The following NOX4 variants were observed in gnomAD, a reference collection of about 807,000 sequenced individuals.
The protein encoded by NOX4 is NADPH oxidase 4.
A neutral mutation model predicts 87.6 loss-of-function variants in NOX4; 69 were observed. The observed-to-expected ratio is 0.79, with a 90% CI of 0.65 to 0.96. The LOEUF is 0.96. NOX4 is among the 40% of genes least tolerant of loss of function. The pLI, the probability that NOX4 is intolerant of heterozygous loss-of-function variation, is 0.00. For synonymous variants in NOX4, 275 were observed against 238.2 expected (o/e 1.15, Z -1.42); for missense variants, 680 against 681.5 (o/e 1.00, Z 0.02).
chr11:89,326,591 G>A lies in NOX4; in HGVS notation c.*165C>T. ...TTGGTTTCCAGATTAAACATGTAAT[G>A]TGACGGTCATCTTGCCACATTCTCA... On this transcript the variant is annotated 3_prime_UTR_variant, in exon 18 of 18. Coordinates refer to ENST00000263317, the MANE Select transcript of NOX4 (RefSeq NM_016931.5). 2 of 516,352 alleles carry A rather than the reference G, an allele frequency of 3.9e-6. No homozygotes were observed. The highest frequency in any genetic ancestry group is 6.7e-6 in the Non-Finnish European group (2 of 299,790). 32.0% of individuals were successfully genotyped at this position (516,352 alleles called of 1,614,324 possible).
chr11:89,419,277 T>A (rs529778123), intron 8 of NOX4, among the ~76,000 whole-genome samples: 4 of 152,142 alleles, frequency 2.6e-5, no homozygotes, highest in African/African-American at 9.6e-5. Context: ...ATCCAAGAAA[T>A]TTACTTTGAA....
the NOX4 span, chr11:89,548,826 A>T: frequency 6.6e-6 from 1 of 152,172 alleles, no homozygotes; most frequent in African/African-American, 2.4e-5. Context: ...TCTTTGCACC[A>T]CAGACTGGAA....
the NOX4 span, among the ~76,000 whole-genome samples, chr11:89,583,072 A>G: frequency 1.3e-5 from 2 of 152,160 alleles, no homozygotes; most frequent in African/African-American, 4.8e-5. Flanking sequence ...AATCAAAATA[A>G]CACCACTTCT....
chr11:89,340,509 T>C (rs1205504807), intron 14 of NOX4, among the ~76,000 whole-genome samples: 6 of 152,168 alleles, frequency 3.9e-5, no homozygotes, highest in African/African-American at 9.7e-5. Flanking sequence ...CAGAATAATA[T>C]TGGGCTCTGC....
intron 5 of NOX4, among the ~76,000 whole-genome samples, chr11:89,442,011 T>C (rs1311016980): frequency 6.8e-6 from 1 of 148,106 alleles, no homozygotes; most frequent in Non-Finnish European, 1.5e-5. Flanking sequence ...ATATAATCTA[T>C]ATATAATAGA....
the NOX4 span, among the ~76,000 whole-genome samples, chr11:89,587,785 A>T: frequency 6.6e-6 from 1 of 152,150 alleles, no homozygotes; most frequent in East Asian, 1.9e-4. Flanking sequence ...ACCAATATAA[A>T]TAATTTTCAT....
the NOX4 span, among the ~76,000 whole-genome samples, chr11:89,516,691 T>C: frequency 5.3e-5 from 8 of 152,202 alleles, no homozygotes; most frequent in South Asian, 6.2e-4. Context: ...AAAGTGGTAT[T>C]TGTGCAGGGT....
At chr11:89,427,118 G>T (rs1168091641) in intron 7 of NOX4, among the ~76,000 whole-genome samples, 1 of 152,158 alleles carries the variant, frequency 6.6e-6, no homozygotes, top group Non-Finnish European at 1.5e-5. Context: ...ACAGCATCTG[G>T]AGTGGACCTC....
chr11:89,519,709 G>C, the NOX4 span, among the ~76,000 whole-genome samples: 50 of 152,092 alleles, frequency 3.3e-4, no homozygotes, highest in African/African-American at 1.1e-3. Context: ...GTGAAGAACG[G>C]AACTATCTTA....
intron 2 of NOX4, among the ~76,000 whole-genome samples, chr11:89,454,461 T>G (rs1945099579): frequency 6.6e-6 from 1 of 152,062 alleles, no homozygotes; most frequent in Non-Finnish European, 1.5e-5. Flanking sequence ...CATTGGCATT[T>G]TTGAAAGCTT....
chr11:89,453,515 T>A (rs964789047), intron 2 of NOX4, among the ~76,000 whole-genome samples: 1 of 152,192 alleles, frequency 6.6e-6, no homozygotes, highest in East Asian at 1.9e-4. Flanking sequence ...ATGTTCACAC[T>A]GAAAACATTA....
intron 11 of NOX4, among the ~76,000 whole-genome samples, chr11:89,393,974 C>T (rs1941298998): frequency 1.3e-5 from 2 of 152,148 alleles, no homozygotes; most frequent in South Asian, 2.1e-4. Flanking sequence ...CACTTCTCTC[C>T]TCTTCCTTTT....
chr11:89,392,676 A>G (rs983745806), intron 11 of NOX4, among the ~76,000 whole-genome samples: 5 of 152,120 alleles, frequency 3.3e-5, no homozygotes, highest in African/African-American at 1.2e-4. Context: ...TTTGATTCAT[A>G]TCCAAACTGT....
At chr11:89,377,224 C>T (rs1308294050) in intron 11 of NOX4, among the ~76,000 whole-genome samples, 1 of 152,126 alleles carries the variant, frequency 6.6e-6, no homozygotes, top group Non-Finnish European at 1.5e-5. Context: ...CACATCTATG[C>T]TTTAAAATTT....
chr11:89,538,430 T>G, the NOX4 span, among the ~76,000 whole-genome samples: 2 of 152,232 alleles, frequency 1.3e-5, no homozygotes, highest in African/African-American at 4.8e-5. Flanking sequence ...AATTATTTAT[T>G]TGAAGCATCT....
chr11:89,558,656 C>T, the NOX4 span, among the ~76,000 whole-genome samples: 3 of 152,090 alleles, frequency 2.0e-5, no homozygotes, highest in Non-Finnish European at 2.9e-5. Flanking sequence ...CTACATTGAG[C>T]CCATCTTTAT....
chr11:89,480,400 T>C (rs182832129), intron 2 of NOX4, among the ~76,000 whole-genome samples: 4 of 152,276 alleles, frequency 2.6e-5, no homozygotes, highest in African/African-American at 9.6e-5. Flanking sequence ...TCCACATCTG[T>C]GAAACTTAAT....
At chr11:89,438,919 AAT>A (rs377403365) in intron 6 of NOX4, among the ~76,000 whole-genome samples, 5,509 of 34,728 alleles carry the variant, frequency 0.16, 328 homozygotes, top group South Asian at 0.33. Context: ...TATAATATAA[AAT>A]ATATATAATA....
At chr11:89,377,476 T>G (rs970511008) in intron 11 of NOX4, among the ~76,000 whole-genome samples, 3 of 152,132 alleles carry the variant, frequency 2.0e-5, no homozygotes, top group Non-Finnish European at 4.4e-5. Context: ...GGAGAAAATA[T>G]AACCTTTACC....
Sources: allele counts gnomAD v4.1 joint callset (sites outside exome capture counted in the v4.1 genomes callset), GRCh38; gene constraint gnomAD v4.1.1; transcripts MANE v1.5; gene names NCBI Gene and HGNC (gene_info 2026-07-23, HGNC 2026-07-21).